GRM5: variants seen among roughly 807,000 people sequenced by gnomAD.
GRM5 encodes metabotropic glutamate receptor 5.
In GRM5, 19 loss-of-function variants were observed where a neutral mutation model predicts 83.1. That is an observed-to-expected ratio of 0.23 (90% CI 0.16 to 0.34). The LOEUF is 0.34. Among genes scored for constraint, GRM5 ranks in the 10% least tolerant of loss-of-function variants. The pLI is 1.00. For missense variants in GRM5, 1,160 were observed against 1,588.3 expected (o/e 0.73, Z 4.58); for synonymous variants, 675 against 633.6 (o/e 1.07, Z -0.98).
At chr11:89,058,091 A>C (rs1892879) in intron 1 of GRM5, among the ~76,000 whole-genome samples, 99,111 of 152,012 alleles carry the variant, frequency 0.65, 36,445 homozygotes, top group Non-Finnish European at 0.82. Flanking sequence ...ACAAAAAAAA[A>C]CAAGTGAATT....
intron 3 of GRM5, among the ~76,000 whole-genome samples, chr11:88,847,144 A>C (rs1382081139): frequency 6.6e-6 from 1 of 152,168 alleles, no homozygotes; most frequent in Non-Finnish European, 1.5e-5. Flanking sequence ...GTTCCATTTC[A>C]CACATCAATA....
intron 2 of GRM5, among the ~76,000 whole-genome samples, chr11:88,966,928 G>T (rs567187419): frequency 1.3e-5 from 2 of 152,006 alleles, no homozygotes; most frequent in Non-Finnish European, 2.9e-5. Context: ...ATGGCCCTCC[G>T]GAATAAAGAC....
chr11:88,665,926 T>C (rs1277847430), intron 3 of GRM5, among the ~76,000 whole-genome samples: 1 of 152,070 alleles, frequency 6.6e-6, no homozygotes, highest in East Asian at 1.9e-4. Context: ...GTTGAACTCA[T>C]TGATAAGAAG....
intron 4 of GRM5, among the ~76,000 whole-genome samples, chr11:88,618,264 T>C (rs1938537135): frequency 6.6e-6 from 1 of 152,202 alleles, no homozygotes; most frequent in African/African-American, 2.4e-5. Flanking sequence ...TGCATAACAT[T>C]ATATTTGAAA....
At chr11:88,819,954 A>G (rs1380413907) in intron 3 of GRM5, among the ~76,000 whole-genome samples, 1 of 152,138 alleles carries the variant, frequency 6.6e-6, no homozygotes, top group African/African-American at 2.4e-5. Context: ...TTCCATTATA[A>G]TATAATTAAT....
intron 2 of GRM5, among the ~76,000 whole-genome samples, chr11:88,904,573 T>C (rs547644): frequency 0.96 from 146,437 of 152,226 alleles, 70,486 homozygotes; most frequent in East Asian, 0.99. Context: ...TTAGCTTGTA[T>C]ACTCCCTTTT....
At chr11:89,061,676 T>G (rs983634136) in intron 1 of GRM5, among the ~76,000 whole-genome samples, 2 of 152,226 alleles carry the variant, frequency 1.3e-5, no homozygotes, top group African/African-American at 4.8e-5. Flanking sequence ...TTTGTCATCA[T>G]GTCCATAAGG....
At chr11:89,057,980 C>G (rs1941912292) in intron 1 of GRM5, among the ~76,000 whole-genome samples, 2 of 152,180 alleles carry the variant, frequency 1.3e-5, no homozygotes, top group South Asian at 4.1e-4. Flanking sequence ...AGAATCTTCT[C>G]CAAAGTATCA....
chr11:89,056,671 G>A (rs1941881497), intron 1 of GRM5, among the ~76,000 whole-genome samples: 1 of 152,066 alleles, frequency 6.6e-6, no homozygotes, highest in African/African-American at 2.4e-5. Context: ...GTAGATAATG[G>A]GGAGGCATTA....
chr11:88,835,060 A>G (rs934809201), intron 3 of GRM5, among the ~76,000 whole-genome samples: 1 of 152,144 alleles, frequency 6.6e-6, no homozygotes, highest in African/African-American at 2.4e-5. Flanking sequence ...ATAAACCTTT[A>G]CCCACACTTT....
At chr11:88,815,688 T>A (rs1943663565) in intron 3 of GRM5, among the ~76,000 whole-genome samples, 1 of 152,116 alleles carries the variant, frequency 6.6e-6, no homozygotes, top group South Asian at 2.1e-4. Context: ...GGCGAGGTGT[T>A]AGCCTCTTTT....
intron 2 of GRM5, chr11:88,911,919 G>A (rs1348812407): frequency 4.6e-6 from 2 of 432,606 alleles, no homozygotes; most frequent in South Asian, 1.7e-5. Flanking sequence ...CTAGAAATAT[G>A]AACTAGTCAG....
chr11:88,825,281 T>C (rs1343129611), intron 3 of GRM5, among the ~76,000 whole-genome samples: 1 of 152,120 alleles, frequency 6.6e-6, no homozygotes, highest in Non-Finnish European at 1.5e-5. Context: ...TGCTGAATTT[T>C]TTCTTTGTTG....
rs112045137 is a variant in GRM5 at position 88,606,949 on chromosome 11, T to C, written c.1148-1985A>G. ...TTTTCTTTAAGAAAGGTGTTTTTTT[T>C]TTTTTTTTTCAACAACAACAAACAA... is the stretch of plus-strand genomic sequence containing the variant. On this transcript the variant is annotated intron_variant, in intron 4 of 9. Transcript: ENST00000305447. Among the ~76,000 whole-genome samples the C allele has an allele frequency of 5.7e-4, 87 of 151,910 alleles. 5 individuals are homozygous for C. The highest frequency in any genetic ancestry group is 2.1e-3 in the South Asian group (10 of 4,812).
intron 2 of GRM5, among the ~76,000 whole-genome samples, chr11:89,041,494 G>A (rs1189530104): frequency 6.6e-6 from 1 of 152,200 alleles, no homozygotes. Flanking sequence ...CATTAGAAAT[G>A]AATCTGAATA....
intron 4 of GRM5, among the ~76,000 whole-genome samples, chr11:88,606,670 A>G (rs1429516763): frequency 6.6e-6 from 1 of 152,188 alleles, no homozygotes; most frequent in Non-Finnish European, 1.5e-5. Flanking sequence ...AAAGGTTTAA[A>G]GGGCTGTAGG....
intron 3 of GRM5, among the ~76,000 whole-genome samples, chr11:88,714,370 G>A (rs1389989348): frequency 6.6e-6 from 1 of 151,942 alleles, no homozygotes; most frequent in Admixed American, 6.6e-5. Context: ...TGGGTAGAGG[G>A]ATCAGCAGAC....
chr11:88,933,901 A>T (rs1167050246), intron 2 of GRM5, among the ~76,000 whole-genome samples: 1 of 151,868 alleles, frequency 6.6e-6, no homozygotes, highest in Non-Finnish European at 1.5e-5. Context: ...TTGACACTGA[A>T]GGAAATATAA....
At chr11:88,531,922 C>T (rs1223792519) in intron 8 of GRM5, among the ~76,000 whole-genome samples, 1 of 152,018 alleles carries the variant, frequency 6.6e-6, no homozygotes, top group East Asian at 1.9e-4. Context: ...CACTTAAACT[C>T]GTTTTCCATT....
Sources: gnomAD v4.1 joint callset for allele counts (sites outside exome capture counted in the v4.1 genomes callset) on GRCh38, gnomAD v4.1.1 for gene constraint, MANE v1.5 for transcripts, NCBI Gene and HGNC (gene_info 2026-07-23, HGNC 2026-07-21) for gene names.